The following MGST1 variants were observed in gnomAD, a reference collection of about 807,000 sequenced individuals.
MGST1 encodes glutathione S-transferase 12.
In MGST1, 5 loss-of-function variants were observed where a neutral mutation model predicts 8.9. The ratio of observed to expected loss-of-function variants is 0.56; its 90% confidence interval spans 0.29 to 1.19. The LOEUF is 1.19. Ranked by LOEUF, MGST1 falls within the 50% of genes most tolerant of loss-of-function variation. The pLI, the probability that MGST1 is intolerant of heterozygous loss-of-function variation, is 0.08. For synonymous variants in MGST1, 54 were observed against 67.8 expected, an observed-to-expected ratio of 0.80 and a Z score of 1.00; for missense variants, 182 against 187.4, an observed-to-expected ratio of 0.97 and a Z score of 0.17.
chr12:16,470,697 C>G (rs912055679), intron 4 of MGST1, among the ~76,000 whole-genome samples: 1 of 152,010 alleles, frequency 6.6e-6, no homozygotes, highest in Non-Finnish European at 1.5e-5. Flanking sequence ...TTTAATATAG[C>G]CTTTTGAACA....
chr12:16,390,597 CTCCA>C (rs1382061656), intron 1 of MGST1, among the ~76,000 whole-genome samples: 2 of 152,172 alleles, frequency 1.3e-5, no homozygotes, highest in Non-Finnish European at 2.9e-5. Flanking sequence ...TAGCTTCCAG[CTCCA>C]TCCATGTTCC....
At chr12:16,541,125 C>A (rs1424141272) in intron 4 of MGST1, among the ~76,000 whole-genome samples, 1 of 152,032 alleles carries the variant, frequency 6.6e-6, no homozygotes, top group Non-Finnish European at 1.5e-5. Context: ...AATCACAATA[C>A]TTTCATTAAA....
rs575681243 is a variant in MGST1, at chr12:16,391,551, T to C, written n.778+7947T>C. ...GTGTATATGTGCCACATTTTCTTTA[T>C]CCAGTGTATTATTGATGCCTTTGCC... is the stretch of plus-strand genomic sequence containing the variant. On this transcript the variant is annotated intron_variant and non_coding_transcript_variant, in intron 1 of 1. Coordinates refer to the MGST1 transcript ENST00000359720. 3.1e-3 allele frequency among the ~76,000 whole-genome samples: 468 copies of C among 152,264 alleles called. 3 individuals are homozygous for C. The highest frequency in any genetic ancestry group is 0.011 in the African/African-American group (461 of 41,552).
chr12:16,545,866 C>T (rs1192270878), intron 4 of MGST1, among the ~76,000 whole-genome samples: 1 of 151,884 alleles, frequency 6.6e-6, no homozygotes, highest in African/African-American at 2.4e-5. Context: ...TAAATAACTC[C>T]TAGTTCTTGG....
intron 4 of MGST1, among the ~76,000 whole-genome samples, chr12:16,444,949 G>T (rs1941067518): frequency 6.6e-6 from 1 of 151,758 alleles, no homozygotes; most frequent in Non-Finnish European, 1.5e-5. Flanking sequence ...TGTGTACATG[G>T]CATGGCTTTC....
intron 4 of MGST1, among the ~76,000 whole-genome samples, chr12:16,561,562 T>C (rs1394932307): frequency 2.0e-5 from 3 of 152,242 alleles, no homozygotes; most frequent in Admixed American, 1.3e-4. Context: ...AAAACTCATT[T>C]TGGTTATAAA....
intron 1 of MGST1, among the ~76,000 whole-genome samples, chr12:16,426,547 G>A (rs1259456543): frequency 6.6e-6 from 1 of 152,064 alleles, no homozygotes; most frequent in African/African-American, 2.4e-5. Context: ...TTTACTGAAT[G>A]TTAAGTTCAT....
At chr12:16,440,149 A>G (rs1282579590), downstream of MGST1, among the ~76,000 whole-genome samples, 1 of 151,806 alleles carries the variant, frequency 6.6e-6, no homozygotes, top group East Asian at 1.9e-4. Flanking sequence ...TAAATAGAGT[A>G]GAAGTTCAGA....
chr12:16,441,174 A>G (rs1323902338), downstream of MGST1, among the ~76,000 whole-genome samples: 2 of 151,606 alleles, frequency 1.3e-5, no homozygotes, highest in East Asian at 3.9e-4. Context: ...TTTAAAATTT[A>G]CTTTATTTTT....
intron 1 of MGST1, among the ~76,000 whole-genome samples, chr12:16,391,847 G>T (rs1591715550): frequency 2.6e-5 from 4 of 152,216 alleles, no homozygotes; most frequent in Middle Eastern, 6.8e-3. Flanking sequence ...GTATTGCCTA[G>T]GTTGTCTTCC....
At chr12:16,485,445 A>G (rs375935380) in intron 4 of MGST1, among the ~76,000 whole-genome samples, 4 of 152,204 alleles carry the variant, frequency 2.6e-5, no homozygotes, top group African/African-American at 9.6e-5. Flanking sequence ...AATAATTAAT[A>G]AAAATATGAA....
chr12:16,572,339 CTTT>C lies in MGST1; in HGVS notation n.483-17169_483-17167del, dbSNP rs59773866. 1.6e-3 allele frequency among the ~76,000 whole-genome samples: 147 copies of C among 89,522 alleles called. 1 individual carries two copies. The highest frequency in any genetic ancestry group is 0.02 in the Middle Eastern group (2 of 100). The allele number at this position is 89,522 out of a possible 152,430, so 58.7% of individuals were successfully genotyped here. On this transcript the variant is annotated intron_variant and non_coding_transcript_variant, in intron 4 of 4. Coordinates refer to the MGST1 transcript ENST00000538857. ...TGTTTTCTGCATAGTGGTCCAAACT[CTTT>C]TTTTTTTTTTTTTTTTTTTGTAAAG...
chr12:16,349,187 G>A (rs1215503735), intron 1 of MGST1: 1 of 152,154 alleles, frequency 6.6e-6, no homozygotes, highest in Non-Finnish European at 1.5e-5. Flanking sequence ...GTACAAAATT[G>A]CAGAGTCATG....
At chr12:16,421,802 G>A (rs185734927) in intron 1 of MGST1, among the ~76,000 whole-genome samples, 4 of 152,248 alleles carry the variant, frequency 2.6e-5, no homozygotes, top group African/African-American at 4.8e-5. Flanking sequence ...AGACAAATCC[G>A]TACTTGGAAT....
chr12:16,573,206 A>G (rs1565493688), intron 4 of MGST1, among the ~76,000 whole-genome samples: 1 of 152,174 alleles, frequency 6.6e-6, no homozygotes, highest in Admixed American at 6.6e-5. Context: ...TCATATTAAC[A>G]TATTATTCAT....
rs1565438908 is a variant in MGST1, at chr12:16,363,768, GT to G, written c.222-26del. On this transcript the variant is annotated intron_variant, in intron 3 of 3. Transcript: ENST00000396210. This position sits in a 1 kb window ranked among gnomAD's most constrained non-coding sequence, Gnocchi z 4.6. ...ACATATCTAGTATTTTGAAATTAGTGTCTTTAATAGTTATCTTTTTCCACAG... is the reference window on the plus strand; with the variant it reads ...ACATATCTAGTATTTTGAAATTAGTGCTTTAATAGTTATCTTTTTCCACAG... The G allele has an allele frequency of 6.5e-7, 1 of 1,528,242 alleles. No homozygotes were observed. The highest frequency in any genetic ancestry group is 1.4e-5 in the African/African-American group (1 of 72,944). 94.7% of individuals were successfully genotyped at this position (1,528,242 alleles called of 1,614,324 possible). A position where few individuals can be genotyped will look rare whatever the true frequency, so the allele number is the denominator to read the frequency against.
intron 1 of MGST1, among the ~76,000 whole-genome samples, chr12:16,431,779 A>G (rs1167407529): frequency 1.3e-5 from 2 of 152,178 alleles, no homozygotes; most frequent in African/African-American, 4.8e-5. Flanking sequence ...ATGTTGATAG[A>G]CTTTTTTGAT....
chr12:16,428,089 C>G (rs1940908209), intron 1 of MGST1, among the ~76,000 whole-genome samples: 1 of 151,808 alleles, frequency 6.6e-6, no homozygotes, highest in Admixed American at 6.5e-5. Flanking sequence ...TTTTCCCAAT[C>G]TCTTCAAACC....
chr12:16,366,205 C>T (rs184277840), downstream of MGST1, among the ~76,000 whole-genome samples: 4 of 152,154 alleles, frequency 2.6e-5, no homozygotes, highest in East Asian at 3.9e-4. This position sits in a 1 kb window ranked among gnomAD's most constrained non-coding sequence, Gnocchi z 4.0. Flanking sequence ...GCAGAACACA[C>T]GTAAGGAAAA....
Sources: allele counts gnomAD v4.1 joint callset (sites outside exome capture counted in the v4.1 genomes callset), GRCh38; gene constraint gnomAD v4.1.1; non-coding constraint Gnocchi (gnomAD v3.1); transcripts MANE v1.5; gene names NCBI Gene and HGNC (gene_info 2026-07-23, HGNC 2026-07-21).